PER3: variants seen among roughly 807,000 people sequenced by gnomAD.
The protein encoded by PER3 is period circadian protein homolog 3.
A neutral mutation model predicts 127.2 loss-of-function variants in PER3; 107 were observed. The observed-to-expected ratio is 0.84, with a 90% CI of 0.72 to 0.99. The LOEUF is 0.99. Ranked by LOEUF, PER3 falls within the 50% of genes least tolerant of loss-of-function variation. The pLI, the probability that PER3 is intolerant of heterozygous loss-of-function variation, is 0.00. For synonymous variants in PER3, 618 were observed against 585.8 expected (o/e 1.05, Z -0.79); for missense variants, 1,560 against 1,525.8 (o/e 1.02, Z -0.37).
At chr1:7,831,011 G>C (rs985015758) in intron 19 of PER3, among the ~76,000 whole-genome samples, 1 of 152,086 alleles carries the variant, frequency 6.6e-6, no homozygotes, top group Non-Finnish European at 1.5e-5. Flanking sequence ...AAAAAGTCTC[G>C]TGGTGTTTGG....
chr1:7,822,733 T>C (rs2097283183), intron 16 of PER3, among the ~76,000 whole-genome samples: 1 of 152,086 alleles, frequency 6.6e-6, no homozygotes, highest in South Asian at 2.1e-4. Flanking sequence ...ATGTCAATAA[T>C]GACATAAAAT....
intron 7 of PER3, among the ~76,000 whole-genome samples, chr1:7,799,884 G>T (rs11807100): frequency 2.7e-4 from 41 of 151,520 alleles, no homozygotes; most frequent in Admixed American, 2.7e-3. Context: ...TCCTCCCACC[G>T]CAGCCTCCAG....
At chr1:7,786,988 C>T (rs1426899972) in intron 4 of PER3, 152 bp downstream of exon 4, 2 of 612,366 alleles carry the variant, frequency 3.3e-6, no homozygotes, top group African/African-American at 3.7e-5. Context: ...GGTGTAGCTT[C>T]TCCGCCCTTG....
intron 13 of PER3, among the ~76,000 whole-genome samples, chr1:7,813,964 C>T (rs928147971): frequency 3.3e-5 from 5 of 152,130 alleles, no homozygotes; most frequent in African/African-American, 1.2e-4. Context: ...CCATGCAGGA[C>T]CGGGTGGGTA....
At chr1:7,784,562 A>C (rs2097075455) in intron 1 of PER3, 92 bp from the exon 2 acceptor site, 8 of 213,982 alleles carry the variant, frequency 3.7e-5, no homozygotes, top group East Asian at 2.1e-4. Context: ...AGGGGTGAGG[A>C]CCGCGCGGTC....
rs1481185722 is a variant in PER3 at position 7,842,769 on chromosome 1, T to A, written c.*14T>A. On this transcript the variant is annotated 3_prime_UTR_variant, in exon 22 of 22. Transcript: ENST00000377532. The stretch of plus-strand genomic sequence containing the variant: ...GACAGCTGTTGAGTGACTGTGAGGA[T>A]GAACCTTCATACCCTTTCCAAGACG... 6.2e-7 allele frequency: 1 copy of A among 1,610,166 alleles called. No individual in the cohort carries two copies. The highest frequency in any genetic ancestry group is 2.2e-5 in the East Asian group (1 of 44,818).
At chr1:7,841,996 A>G (rs1022430232) in intron 21 of PER3, among the ~76,000 whole-genome samples, 1 of 152,130 alleles carries the variant, frequency 6.6e-6, no homozygotes, top group African/African-American at 2.4e-5. Context: ...CAGCCTTTTG[A>G]TCCTAGGCTA....
intron 5 of PER3, among the ~76,000 whole-genome samples, chr1:7,790,905 G>C (rs958765499): frequency 2.6e-5 from 4 of 152,208 alleles, no homozygotes; most frequent in Non-Finnish European, 5.9e-5. Flanking sequence ...TCACATCCAG[G>C]TCATGCTGGT....
At chr1:7,788,885 C>T (rs1428403312) in intron 5 of PER3, among the ~76,000 whole-genome samples, 1 of 143,630 alleles carries the variant, frequency 7.0e-6, no homozygotes, top group African/African-American at 2.6e-5. Context: ...GCCTGGGCGA[C>T]AAGCGTGAAA....
At chr1:7,828,105 T>G (rs1360461853) in intron 18 of PER3, among the ~76,000 whole-genome samples, 2 of 152,252 alleles carry the variant, frequency 1.3e-5, no homozygotes, top group Non-Finnish European at 2.9e-5. Flanking sequence ...CTCTACTCTT[T>G]AAAATTCGTT....
At position 7,812,582 on chromosome 1, in the gene PER3, G is replaced by A. The variant is rs183454813; in HGVS notation, c.1522+1994G>A. Among the ~76,000 whole-genome samples the A allele has an allele frequency of 2.5e-3, 326 of 127,916 alleles. 9 individuals are homozygous for A. In the East Asian group the frequency reaches 0.064, roughly 25 times the overall value. 83.9% of individuals were successfully genotyped at this position (127,916 alleles called of 152,430 possible). A position where few individuals can be genotyped will look rare whatever the true frequency, so the allele number is the denominator to read the frequency against. On this transcript the variant is annotated intron_variant, in intron 13 of 21. Coordinates refer to ENST00000377532, the MANE Select transcript of PER3 (RefSeq NM_001377275.1). The stretch of plus-strand genomic sequence containing the variant: ...GGAGCTTGCAGTGAGCCGAGATCGC[G>A]CCACTGCACTCCAGCCTGGGCAACA...
At chr1:7,807,461 CTG>C (rs779335042) in intron 10 of PER3, among the ~76,000 whole-genome samples, 2 of 152,186 alleles carry the variant, frequency 1.3e-5, no homozygotes, top group African/African-American at 2.4e-5. Context: ...CTTTGGGAAA[CTG>C]TTTCAGTTTT....
chr1:7,798,665 G>C lies in PER3; in HGVS notation c.785G>C (p.Gly262Ala). The C allele has an allele frequency of 6.2e-7, 1 of 1,613,336 alleles. No individual in the cohort carries two copies. The highest frequency in any genetic ancestry group is 8.5e-7 in the Non-Finnish European group (1 of 1,179,304). ...ACTGTGGTTGAAAAGATTCACTCTGGTTATGAAGGTAAGTCAGTAGATAAG... is the reference window on the plus strand; with the variant it reads ...ACTGTGGTTGAAAAGATTCACTCTGCTTATGAAGGTAAGTCAGTAGATAAG... ...CLTVVEKIHS[G>A]YEAPRIPVNK... Residue 262 changes from glycine to alanine, a missense_variant, in exon 7 of 22, where the codon GGT becomes GCT. This residue lies in a region of PER3 where 1,332 missense variants were observed against 1,223.6 expected (regional missense o/e 1.09). Transcript: ENST00000377532.
chr1:7,803,215 CT>C, intron 9 of PER3, 62 bp downstream of exon 9: 1 of 1,024,824 alleles, frequency 9.8e-7, no homozygotes, highest in Non-Finnish European at 1.6e-6. Flanking sequence ...TCTAATTTTT[CT>C]TTTCATCTCA....
At chr1:7,834,549 G>A (rs1209487749) in intron 19 of PER3, among the ~76,000 whole-genome samples, 1 of 152,166 alleles carries the variant, frequency 6.6e-6, no homozygotes, top group African/African-American at 2.4e-5. Context: ...TCAAACTCCT[G>A]GGCTCAAGCA....
intron 3 of PER3, 89 bp from the exon 4 acceptor site, chr1:7,786,632 A>G (rs1244560594): frequency 4.1e-6 from 3 of 727,808 alleles, no homozygotes; most frequent in African/African-American, 3.5e-5. Flanking sequence ...TCTCATCCGA[A>G]AAAAATAATC....
chr1:7,810,320 A>T, intron 12 of PER3, 118 bp from the exon 13 acceptor site: 1 of 749,316 alleles, frequency 1.3e-6, no homozygotes, highest in Non-Finnish European at 2.2e-6. Context: ...TAAAGTGATT[A>T]CTGTGCTTCA....
rs1371497927 is a variant in PER3 at position 7,844,779 on chromosome 1, G to C, written c.*2024G>C. ...TTGCACCTGCTGCTGGCGGTGAGCAGGGGGTTCAGCAGCTTGACCGATGCC... is the reference window on the plus strand; with the variant it reads ...TTGCACCTGCTGCTGGCGGTGAGCACGGGGTTCAGCAGCTTGACCGATGCC... On this transcript the variant is annotated 3_prime_UTR_variant, in exon 22 of 22. Coordinates refer to ENST00000377532, the MANE Select transcript of PER3 (RefSeq NM_001377275.1). 2 of 152,722 alleles carry C rather than the reference G, an allele frequency of 1.3e-5. No individual in the cohort carries two copies. Among genetic ancestry groups the C allele is most frequent in the Admixed American group, 6.5e-5 (1 of 15,294 alleles). The allele number at this position is 152,722 out of a possible 1,614,324, so 9.5% of individuals were successfully genotyped here. A position where few individuals can be genotyped will look rare whatever the true frequency, so the allele number is the denominator to read the frequency against.
intron 20 of PER3, 26 bp from the exon 21 acceptor site, chr1:7,836,973 T>C: frequency 6.3e-7 from 1 of 1,596,008 alleles, no homozygotes; most frequent in Non-Finnish European, 8.6e-7. Flanking sequence ...TTCAGGACTA[T>C]TAAGATTCTG....
Sources: allele counts gnomAD v4.1 joint callset (sites outside exome capture counted in the v4.1 genomes callset), GRCh38; gene constraint gnomAD v4.1.1; regional missense constraint gnomAD v4.1.1; transcripts MANE v1.5; gene names NCBI Gene and HGNC (gene_info 2026-07-23, HGNC 2026-07-21).